TRHDE: variants seen among roughly 807,000 people sequenced by gnomAD.
TRHDE encodes the protein thyrotropin releasing hormone degrading enzyme.
A neutral mutation model predicts 125.7 loss-of-function variants in TRHDE; 72 were observed. The ratio of observed to expected loss-of-function variants is 0.57; its 90% CI spans 0.47 to 0.70. The LOEUF (loss-of-function observed/expected upper bound fraction) is 0.70, where lower values mean the gene tolerates loss of function less well. TRHDE is among the 30% of genes least tolerant of loss of function. The pLI, the probability that TRHDE is intolerant of heterozygous loss-of-function variation, is 0.00. For missense variants in TRHDE, 1,110 were observed against 1,327.1 expected (o/e 0.84, Z 2.54); for synonymous variants, 509 against 509.1 (o/e 1.00, Z 0.00).
intron 12 of TRHDE, among the ~76,000 whole-genome samples, chr12:72,593,695 G>A (rs997289963): frequency 4.0e-5 from 6 of 151,824 alleles, no homozygotes; most frequent in African/African-American, 1.5e-4. Flanking sequence ...GGCCCTGTGT[G>A]TAATGTTCCC....
chr12:72,310,695 C>T (rs927112563), intron 2 of TRHDE, among the ~76,000 whole-genome samples: 5 of 151,834 alleles, frequency 3.3e-5, no homozygotes, highest in African/African-American at 7.3e-5. Flanking sequence ...AAAATATTGG[C>T]GAGAAGGCAG....
chr12:72,663,365 T>C lies in TRHDE; in HGVS notation c.*170T>C, dbSNP rs752936488. 1 of 500,870 alleles carries C rather than the reference T, an allele frequency of 2.0e-6. No individual in the cohort carries two copies. The highest frequency in any genetic ancestry group is 3.4e-6 in the Non-Finnish European group (1 of 290,442). 31.0% of individuals were successfully genotyped at this position (500,870 alleles called of 1,614,324 possible). On this transcript the variant is annotated 3_prime_UTR_variant, in exon 19 of 19. Transcript: ENST00000261180. ...TTTTGGTTTTGGGGGATATTTTTTA[T>C]TTGTTTCATTCATTCTGTTCTGTTT...
intron 15 of TRHDE, among the ~76,000 whole-genome samples, chr12:72,644,708 A>G (rs1326091972): frequency 1.3e-5 from 2 of 152,208 alleles, no homozygotes; most frequent in African/African-American, 4.8e-5. Context: ...AAATAGAGGG[A>G]AAATCCCAGC....
chr12:72,616,055 AGAG>A (rs1565811177), intron 12 of TRHDE, among the ~76,000 whole-genome samples: 6 of 152,174 alleles, frequency 3.9e-5, no homozygotes, highest in African/African-American at 1.4e-4. Context: ...TCAAAGAAGA[AGAG>A]AAGAGCATGG....
intron 2 of TRHDE, among the ~76,000 whole-genome samples, chr12:72,225,866 T>C (rs1401109135): frequency 3.3e-5 from 5 of 152,310 alleles, no homozygotes; most frequent in Non-Finnish European, 7.4e-5. Context: ...TTTCAGGAAG[T>C]AGGTGAGTTC....
intron 5 of TRHDE, among the ~76,000 whole-genome samples, chr12:72,495,188 T>A (rs1047566521): frequency 1.3e-5 from 2 of 151,478 alleles, no homozygotes; most frequent in Admixed American, 1.3e-4. Flanking sequence ...TTGGTTGAAT[T>A]TTTTTCATTC....
At chr12:72,157,663 T>A (rs1168273532) in intron 2 of TRHDE, among the ~76,000 whole-genome samples, 1 of 152,092 alleles carries the variant, frequency 6.6e-6, no homozygotes, top group Non-Finnish European at 1.5e-5. Context: ...GGGAAGACCA[T>A]GGAAGAAAAT....
intron 6 of TRHDE, among the ~76,000 whole-genome samples, chr12:72,528,944 A>C (rs1295363538): frequency 6.6e-6 from 1 of 152,076 alleles, no homozygotes; most frequent in Non-Finnish European, 1.5e-5. Context: ...GATGATTATA[A>C]TATATTCACT....
At chr12:72,118,626 T>A (rs1242055519) in intron 2 of TRHDE, among the ~76,000 whole-genome samples, 2 of 152,128 alleles carry the variant, frequency 1.3e-5, no homozygotes, top group African/African-American at 4.8e-5. Flanking sequence ...GTAGGATTGG[T>A]CTTAGTTCTT....
intron 2 of TRHDE, among the ~76,000 whole-genome samples, chr12:72,151,568 T>C (rs1421721481): frequency 6.6e-6 from 1 of 151,892 alleles, no homozygotes; most frequent in Non-Finnish European, 1.5e-5. Flanking sequence ...GAATTAATTT[T>C]TGTATAAGGT....
At chr12:72,595,432 G>A (rs1425069805) in intron 12 of TRHDE, among the ~76,000 whole-genome samples, 4 of 151,982 alleles carry the variant, frequency 2.6e-5, no homozygotes, top group Non-Finnish European at 5.9e-5. Flanking sequence ...AAATTGTCAA[G>A]TTGTCATTAA....
In TRHDE at chr12:72,256,018, CT is replaced by C. The variant is rs1339636712; in HGVS notation, n.280-121971del. 2.6e-5 allele frequency: 4 copies of C among 152,146 alleles called. No homozygotes were observed. In the East Asian group the frequency reaches 7.7e-4, roughly 29 times the overall value. The allele number at this position is 152,146 out of a possible 1,614,324, so 9.4% of individuals were successfully genotyped here. A position where few individuals can be genotyped will look rare whatever the true frequency, so the allele number is the denominator to read the frequency against. ...TTGCATGGATTATTTCAATTACCCTCTTTTTTATCTTTCAGTGAATGTTCAT... is the reference window on the plus strand; with the variant it reads ...TTGCATGGATTATTTCAATTACCCTCTTTTTATCTTTCAGTGAATGTTCAT... On this transcript the variant is annotated intron_variant and non_coding_transcript_variant, in intron 2 of 4. Coordinates refer to the TRHDE transcript ENST00000548156.
chr12:72,522,179 G>C (rs1868262993), intron 6 of TRHDE, among the ~76,000 whole-genome samples: 1 of 152,076 alleles, frequency 6.6e-6, no homozygotes, highest in South Asian at 2.1e-4. Context: ...TTCAAACACT[G>C]GCCATTCTGT....
intron 1 of TRHDE, among the ~76,000 whole-genome samples, chr12:72,285,949 G>T (rs1879871445): frequency 6.6e-6 from 1 of 152,052 alleles, no homozygotes; most frequent in South Asian, 2.1e-4. Flanking sequence ...TTATTCCTGT[G>T]CTCCAAGAAA....
chr12:72,101,260 C>T (rs571752174), intron 1 of TRHDE, among the ~76,000 whole-genome samples: 1 of 152,294 alleles, frequency 6.6e-6, no homozygotes, highest in South Asian at 2.1e-4. Flanking sequence ...GTTTACAAAT[C>T]CATTTGATCT....
intron 3 of TRHDE, among the ~76,000 whole-genome samples, chr12:72,433,720 T>C (rs577201412): frequency 1.3e-5 from 2 of 151,840 alleles, no homozygotes; most frequent in African/African-American, 4.8e-5. Flanking sequence ...TATTTGGAAG[T>C]TGGTCAAAGA....
intron 6 of TRHDE, among the ~76,000 whole-genome samples, chr12:72,530,416 C>CTTTTTTT (rs71438816): frequency 1.4e-3 from 93 of 68,384 alleles, no homozygotes; most frequent in Admixed American, 2.0e-3. Flanking sequence ...TTCCTAGAAG[C>CTTTTTTT]TTTTTTTTTT....
chr12:72,394,665 T>C (rs1592413866), intron 3 of TRHDE, among the ~76,000 whole-genome samples: 1 of 152,212 alleles, frequency 6.6e-6, no homozygotes, highest in Non-Finnish European at 1.5e-5. Context: ...TGAAGACACT[T>C]TTTCCCCTGT....
intron 2 of TRHDE, among the ~76,000 whole-genome samples, chr12:72,129,764 A>G (rs1267360524): frequency 6.6e-6 from 1 of 152,204 alleles, no homozygotes; most frequent in Non-Finnish European, 1.5e-5. Flanking sequence ...TATTTCATAG[A>G]CAACCCAAGA....
Sources: allele counts gnomAD v4.1 joint callset (sites outside exome capture counted in the v4.1 genomes callset), GRCh38; gene constraint gnomAD v4.1.1; transcripts MANE v1.5; gene names NCBI Gene and HGNC (gene_info 2026-07-23, HGNC 2026-07-21).